CACNA1E: variants seen among roughly 807,000 people sequenced by gnomAD.
CACNA1E encodes voltage-dependent R-type calcium channel subunit alpha-1E.
Under a neutral mutation model 259.2 loss-of-function variants are expected in CACNA1E, and 40 were observed. That is an observed-to-expected ratio of 0.15 (90% CI 0.12 to 0.20). The LOEUF (loss-of-function observed/expected upper bound fraction) is 0.20. CACNA1E is among the 10% of genes least tolerant of loss of function. CACNA1E has a pLI of 1.00. For missense variants in CACNA1E, 1,874 were observed against 3,040.1 expected, an observed-to-expected ratio of 0.62 and a Z score of 9.02; for synonymous variants, 1,104 against 1,138.5, an observed-to-expected ratio of 0.97 and a Z score of 0.61.
rs750847643 is a variant in CACNA1E, at chr1:181,798,310, G to A, written c.6418G>A (p.Glu2140Lys). 5.0e-6 allele frequency: 8 copies of A among 1,597,726 alleles called. No individual in the cohort carries two copies. Among genetic ancestry groups the A allele is most frequent in the South Asian group, 2.2e-5 (2 of 90,824 alleles). ...TATACAGGGCACAGGTTCCCTAAGT[G>A]AGAGCTCCATCCCCTCTGTCTCTGA... is the stretch of plus-strand genomic sequence containing the variant. ...PNRQGTGSLS[E>K]SSIPSVSDTS... Residue 2140 changes from glutamate (E) to lysine (K), a missense_variant, in exon 48 of 48, where the codon GAG becomes AAG. Physicochemically the swap from Glu to Lys is moderately conservative, Grantham distance 56. This residue lies in a region of CACNA1E where 542 missense variants were observed against 587.2 expected (regional missense o/e 0.92). Transcript: ENST00000367573. This position sits in a 1 kb window ranked among gnomAD's most constrained non-coding sequence, Gnocchi z 4.2.
rs1653126788 is a variant in CACNA1E, at chr1:181,709,530, TGGGG to T, written c.1056-1423_1056-1420del. 3.9e-5 allele frequency among the ~76,000 whole-genome samples: 6 copies of T among 152,202 alleles called. No homozygotes were observed. In the East Asian group the frequency reaches 1.2e-3, roughly 29 times the overall value. ...GTCTTCCCTTTCCCTGCACTGTAGC[TGGGG>T]CCCATCCCCCAGCCCCTCATTCATT... On this transcript the variant is annotated intron_variant, in intron 7 of 47. Coordinates refer to ENST00000367573, the MANE Select transcript of CACNA1E (RefSeq NM_001205293.3).
intron 3 of CACNA1E, among the ~76,000 whole-genome samples, chr1:181,547,994 G>A (rs1418784971): frequency 6.6e-6 from 1 of 152,186 alleles, no homozygotes; most frequent in African/African-American, 2.4e-5. Flanking sequence ...TCACATTTGA[G>A]CCATTAGTTG....
chr1:181,606,559 T>C (rs1654258910), intron 6 of CACNA1E, among the ~76,000 whole-genome samples: 1 of 152,236 alleles, frequency 6.6e-6, no homozygotes, highest in Non-Finnish European at 1.5e-5. Context: ...TTCTTCCTTA[T>C]TTCTCTTCAA....
At chr1:181,325,446 A>G (rs770867854) in intron 1 of CACNA1E, among the ~76,000 whole-genome samples, 3 of 152,076 alleles carry the variant, frequency 2.0e-5, no homozygotes, top group Non-Finnish European at 4.4e-5. Context: ...TGGTTCCCGG[A>G]CCAGCCACAT....
intron 25 of CACNA1E, among the ~76,000 whole-genome samples, chr1:181,746,495 T>A (rs1356530012): frequency 6.6e-6 from 1 of 152,180 alleles, no homozygotes; most frequent in African/African-American, 2.4e-5. Flanking sequence ...CTTCTACACA[T>A]CATGTTCTAG....
At chr1:181,417,069 T>C (rs1375068077) in intron 2 of CACNA1E, among the ~76,000 whole-genome samples, 1 of 152,000 alleles carries the variant, frequency 6.6e-6, no homozygotes, top group Non-Finnish European at 1.5e-5. Context: ...TACTCCATAA[T>C]CTCGGTTTCA....
intron 34 of CACNA1E, among the ~76,000 whole-genome samples, chr1:181,764,280 T>TG (rs1658838134): frequency 6.6e-6 from 1 of 152,218 alleles, no homozygotes; most frequent in Admixed American, 6.5e-5. Context: ...TTTTAAGCTT[T>TG]GGGGGGCCTA....
chr1:181,788,503 G>T (rs1241210024), intron 43 of CACNA1E, among the ~76,000 whole-genome samples: 1 of 152,222 alleles, frequency 6.6e-6, no homozygotes, highest in Non-Finnish European at 1.5e-5. Flanking sequence ...GTGCTAGAAA[G>T]AGTTTACAGA....
At chr1:181,329,135 A>G (rs1651028567) in intron 1 of CACNA1E, among the ~76,000 whole-genome samples, 1 of 152,054 alleles carries the variant, frequency 6.6e-6, no homozygotes, top group Admixed American at 6.5e-5. Context: ...CATTGTTGAT[A>G]CTTGCATCTC....
chr1:181,755,532 G>A lies in CACNA1E; in HGVS notation c.3989+135G>A, dbSNP rs577588317. 2.2e-5 allele frequency: 16 copies of A among 729,244 alleles called. No homozygotes were observed. The South Asian group carries it at 3.2e-4, about 14-fold the overall frequency. 45.2% of individuals were successfully genotyped at this position (729,244 alleles called of 1,614,324 possible). A position where few individuals can be genotyped will look rare whatever the true frequency, so the allele number is the denominator to read the frequency against. On this transcript the variant is annotated intron_variant, in intron 28 of 47. Coordinates refer to ENST00000367573, the MANE Select transcript of CACNA1E (RefSeq NM_001205293.3). The stretch of plus-strand genomic sequence containing the variant: ...CTTCTTTCAGCAAAAAGACAAAATG[G>A]AATCAATAAACTTTTTACTGAGTGC...
chr1:181,535,336 A>G (rs1668086157), intron 3 of CACNA1E, among the ~76,000 whole-genome samples: 1 of 152,178 alleles, frequency 6.6e-6, no homozygotes, highest in Non-Finnish European at 1.5e-5. Context: ...TAGGCATTAG[A>G]GGTCCTGAAC....
chr1:181,572,845 C>T (rs1213773091), intron 3 of CACNA1E, among the ~76,000 whole-genome samples: 2 of 151,982 alleles, frequency 1.3e-5, no homozygotes, highest in East Asian at 3.9e-4. Context: ...GGAGTCTGGT[C>T]CTGAGAGTGA....
At chr1:181,755,549 A>G (rs1482530277) in intron 28 of CACNA1E, among the ~76,000 whole-genome samples, 152 bp downstream of exon 28, 1 of 152,230 alleles carries the variant, frequency 6.6e-6, no homozygotes, top group Non-Finnish European at 1.5e-5. Context: ...TAAACTTTTT[A>G]CTGAGTGCCT....
At chr1:181,445,857 A>C (rs1033170710) in intron 2 of CACNA1E, among the ~76,000 whole-genome samples, 3 of 152,214 alleles carry the variant, frequency 2.0e-5, no homozygotes, top group South Asian at 4.1e-4. Context: ...ACCTTTGCAC[A>C]TGGCTCCAGA....
intron 2 of CACNA1E, among the ~76,000 whole-genome samples, chr1:181,456,889 C>T (rs1389381052): frequency 1.3e-5 from 2 of 152,144 alleles, no homozygotes; most frequent in Non-Finnish European, 2.9e-5. Flanking sequence ...TCCTCCTCCA[C>T]CTGTCTTTCC....
At chr1:181,322,703 G>A (rs766555377) in intron 1 of CACNA1E, among the ~76,000 whole-genome samples, 11 of 152,206 alleles carry the variant, frequency 7.2e-5, no homozygotes, top group South Asian at 2.1e-4. Flanking sequence ...AGGCCTTCCC[G>A]TTTATGTTCA....
Position 181,800,578 on chromosome 1 carries a change from G to T in CACNA1E, c.*1744G>T. 1 of 152,654 alleles carries T rather than the reference G, an allele frequency of 6.6e-6. No individual in the cohort carries two copies. The highest frequency in any genetic ancestry group is 1.5e-5 in the Non-Finnish European group (1 of 68,108). 9.5% of individuals were successfully genotyped at this position (152,654 alleles called of 1,614,324 possible). A position where few individuals can be genotyped will look rare whatever the true frequency, so the allele number is the denominator to read the frequency against. On this transcript the variant is annotated 3_prime_UTR_variant, in exon 48 of 48. Transcript: ENST00000367573. ...CTACGGGGCCCTCCTTCCCCCACCA[G>T]GAACAGATGGAACCTGCCACCCAGG...
intron 7 of CACNA1E, among the ~76,000 whole-genome samples, chr1:181,709,065 C>A (rs528928686): frequency 9.2e-5 from 14 of 152,276 alleles, no homozygotes; most frequent in South Asian, 4.1e-4. Context: ...AGGGTGAATT[C>A]AAGTGCTTTT....
At position 181,796,731 on chromosome 1, in the gene CACNA1E, A is replaced by G. The variant is rs1553361072; in HGVS notation, c.6272A>G (p.His2091Arg). 1 of 1,613,326 alleles carries G rather than the reference A, an allele frequency of 6.2e-7. No individual in the cohort carries two copies. Among genetic ancestry groups the G allele is most frequent in the Non-Finnish European group, 8.5e-7 (1 of 1,179,446 alleles). Residue 2091 changes from histidine (H) to arginine (R), a missense_variant, in exon 47 of 48, where the codon CAT becomes CGT. His to Arg is a conservative substitution (Grantham distance 29). Transcript: ENST00000367573. Reference sequence around the variant, plus strand: ...CGGGGACGATCAAAAGAGCGAAAGCATCTTCTCTCTCCTGATGTCTCCCGC... The same window carrying G: ...CGGGGACGATCAAAAGAGCGAAAGCGTCTTCTCTCTCCTGATGTCTCCCGC... ...RERGRSKERK[H>R]LLSPDVSRCN... is the part of the protein sequence containing the mutation.
Sources: gnomAD v4.1 joint callset for allele counts (sites outside exome capture counted in the v4.1 genomes callset) on GRCh38, gnomAD v4.1.1 for gene constraint, gnomAD v4.1.1 regional missense constraint, Gnocchi (gnomAD v3.1) non-coding constraint, MANE v1.5 for transcripts, NCBI Gene and HGNC (gene_info 2026-07-23, HGNC 2026-07-21) for gene names.